The following DIABLO variants were observed in gnomAD, a reference collection of about 807,000 sequenced individuals.
DIABLO encodes diablo homolog, mitochondrial.
Under a neutral mutation model 31.7 loss-of-function variants are expected in DIABLO, and 32 were observed. The observed-to-expected ratio is 1.01, with a 90% confidence interval of 0.76 to 1.35. The LOEUF (loss-of-function observed/expected upper bound fraction) is 1.35. Among genes scored for constraint, DIABLO ranks in the 40% most tolerant of loss-of-function variants. DIABLO has a pLI of 0.00. For synonymous variants in DIABLO, 132 were observed against 103.2 expected (o/e 1.28, Z -1.69); for missense variants, 316 against 286.4 (o/e 1.10, Z -0.75).
intron 5 of DIABLO, among the ~76,000 whole-genome samples, chr12:122,211,951 G>C (rs756890111): frequency 4.0e-5 from 6 of 148,760 alleles, no homozygotes; most frequent in Non-Finnish European, 8.9e-5. Context: ...CATTTAATAA[G>C]TTTATTTTTA....
chr12:122,209,764 T>C, intron 5 of DIABLO: 1 of 703,414 alleles, frequency 1.4e-6, no homozygotes, highest in Non-Finnish European at 2.6e-6. Flanking sequence ...TAGAACATTT[T>C]GATCTTACTG....
At position 122,218,233 on chromosome 12, in the gene DIABLO, G is replaced by A. The variant is rs1442115487; in HGVS notation, c.315+33C>T. 4 of 1,613,296 alleles carry A rather than the reference G, an allele frequency of 2.5e-6. No individual in the cohort carries two copies. In the South Asian group the frequency reaches 4.4e-5, roughly 18 times the overall value. ...GTGAGCCATTATTTGCTAAACCATG[G>A]TTTAGAAGATCAAGAGTTAAGAGGA... On this transcript the variant is annotated intron_variant, in intron 3 of 5. Coordinates refer to ENST00000464942, the MANE Select transcript of DIABLO (RefSeq NM_001371333.1).
Position 122,208,593 on chromosome 12 carries a change from A to G in DIABLO, c.524-16T>C. On this transcript the variant is annotated splice_polypyrimidine_tract_variant and intron_variant, in intron 5 of 5. Transcript: ENST00000464942. ...TGATCTGCGCCTGCCAAAAGATGGG[A>G]CAATCGGGTTGAGCAGCCGTGCAGG... is the stretch of plus-strand genomic sequence containing the variant. The G allele has an allele frequency of 6.2e-7, 1 of 1,610,374 alleles. No homozygotes were observed.
intron 3 of DIABLO, 32 bp from the exon 4 acceptor site, chr12:122,216,901 A>G (rs769860179): frequency 4.5e-6 from 7 of 1,551,468 alleles, no homozygotes; most frequent in East Asian, 2.2e-5. Context: ...GTCTGAGTAA[A>G]GTAAGTGAGA....
intron 5 of DIABLO, chr12:122,209,832 CCTCTT>C (rs1566021099): frequency 4.3e-6 from 3 of 703,024 alleles, no homozygotes; most frequent in Admixed American, 2.0e-5. Context: ...CAGGCATCCT[CCTCTT>C]CTAACTTCGA....
Position 122,225,983 on chromosome 12 carries a change from C to A in DIABLO, c.32G>T (p.Ser11Ile), listed in dbSNP as rs755377544. 1.2e-6 allele frequency: 2 copies of A among 1,601,622 alleles called. No homozygotes were observed. The highest frequency in any genetic ancestry group is 1.7e-6 in the Non-Finnish European group (2 of 1,174,870). ...GCGGTACCTGAAGAATGAAGTTACG[C>A]TGCGCGACAGCCAACTCTTCAGAGC... MAALKSWLSR[S>I]VTSFFRYRQC... Residue 11 changes from serine (S) to isoleucine (I), a missense_variant, in exon 1 of 6, where the codon AGC becomes ATC. Coordinates refer to ENST00000464942, the MANE Select transcript of DIABLO (RefSeq NM_001371333.1).
At chr12:122,216,146 G>A (rs1954207326) in intron 5 of DIABLO, among the ~76,000 whole-genome samples, 1 of 152,132 alleles carries the variant, frequency 6.6e-6, no homozygotes, top group Non-Finnish European at 1.5e-5. Context: ...TCAAGTCTCA[G>A]CCAACGGTGT....
At chr12:122,225,727 C>A in intron 1 of DIABLO, 2 of 1,426,224 alleles carry the variant, frequency 1.4e-6, no homozygotes, top group Non-Finnish European at 1.8e-6. Flanking sequence ...GAAGGCAGCC[C>A]GGGGTCTCGG....
rs759696825 is a variant in DIABLO at position 122,219,865 on chromosome 12, CAAAA to C, written c.184-1472_184-1469del. ...GGGCGACAGAGCAAGACTCTTTCGC[CAAAA>C]AAAAAAAAAGTGGATGGGGGAGGGC... is the stretch of plus-strand genomic sequence containing the variant. On this transcript the variant is annotated intron_variant, in intron 2 of 5. Coordinates refer to ENST00000464942, the MANE Select transcript of DIABLO (RefSeq NM_001371333.1). 2.5e-5 allele frequency among the ~76,000 whole-genome samples: 3 copies of C among 120,524 alleles called. 1 individual carries two copies. Among genetic ancestry groups the C allele is most frequent in the African/African-American group, 6.2e-5 (2 of 32,298 alleles). 79.1% of individuals were successfully genotyped at this position (120,524 alleles called of 152,430 possible).
rs1388492942 is a variant in DIABLO, at chr12:122,208,356, G to T, written c.*25C>A. The T allele has an allele frequency of 1.2e-6, 2 of 1,610,378 alleles. No homozygotes were observed. Among genetic ancestry groups the T allele is most frequent in the African/African-American group, 1.3e-5 (1 of 74,994 alleles). On this transcript the variant is annotated 3_prime_UTR_variant, in exon 6 of 6. Transcript: ENST00000464942. ...GCCCCTGCTTTCCCCACTGAGTGGG[G>T]AGACAGGGCAGTGTGCTCAGGCCCT...
intron 2 of DIABLO, among the ~76,000 whole-genome samples, chr12:122,219,652 C>A (rs1484184595): frequency 1.3e-5 from 2 of 151,282 alleles, no homozygotes; most frequent in Non-Finnish European, 2.9e-5. Context: ...GTCAAGAGAT[C>A]GAGACCAGCC....
chr12:122,218,144 T>C, intron 3 of DIABLO, 122 bp downstream of exon 3: 2 of 1,233,580 alleles, frequency 1.6e-6, no homozygotes, highest in Non-Finnish European at 2.3e-6. Flanking sequence ...TGACAACACA[T>C]AAACAAATAG....
chr12:122,227,250 C>T, upstream of DIABLO: 1 of 395,554 alleles, frequency 2.5e-6, no homozygotes, highest in Non-Finnish European at 5.2e-6. Flanking sequence ...GAACCCCACA[C>T]CAGCTCATCA....
chr12:122,214,334 C>CCACA lies in DIABLO; in HGVS notation c.523+2150_523+2153dup, dbSNP rs564048314. Among the ~76,000 whole-genome samples the CCACA allele has an allele frequency of 6.2e-4, 95 of 152,230 alleles. 1 individual carries two copies. The East Asian group carries it at 0.018, about 29-fold the overall frequency. On this transcript the variant is annotated intron_variant, in intron 5 of 5. Coordinates refer to ENST00000464942, the MANE Select transcript of DIABLO (RefSeq NM_001371333.1). ...TAGCTGGGATTGCAGGTGTGAGCCA[C>CCACA]CACACCCAGCCCTTTGTATCATTTT...
In DIABLO at chr12:122,213,507, G is replaced by GAAA. The variant is rs368276624; in HGVS notation, c.523+2978_523+2980dup. ...TAACAGAGTAAGACCTTGTCTCAGG[G>GAAA]AAAAAAAAAAAAAAAATTCCGTTTA... is the stretch of plus-strand genomic sequence containing the variant. On this transcript the variant is annotated intron_variant, in intron 5 of 5. Coordinates refer to ENST00000464942, the MANE Select transcript of DIABLO (RefSeq NM_001371333.1). Among the ~76,000 whole-genome samples the GAAA allele has an allele frequency of 8.3e-3, 1,127 of 136,562 alleles. 26 individuals carry two copies. Among genetic ancestry groups the GAAA allele is most frequent in the African/African-American group, 0.029 (1,041 of 36,134 alleles). The allele number at this position is 136,562 out of a possible 152,430, so 89.6% of individuals were successfully genotyped here. A position where few individuals can be genotyped will look rare whatever the true frequency, so the allele number is the denominator to read the frequency against.
chr12:122,217,913 T>C (rs904085702), intron 3 of DIABLO: 65 of 297,912 alleles, frequency 2.2e-4, no homozygotes, highest in Non-Finnish European at 3.5e-4. Context: ...CCCTGTGCCC[T>C]TAACTGAACC....
chr12:122,211,070 T>G (rs1313268795), intron 5 of DIABLO, among the ~76,000 whole-genome samples: 2 of 57,704 alleles, frequency 3.5e-5, no homozygotes, highest in Non-Finnish European at 7.1e-5. Flanking sequence ...CTTTGTTTAG[T>G]TAAAAGTAAA....
intron 2 of DIABLO, chr12:122,222,414 A>C (rs1954352343): frequency 6.6e-6 from 1 of 152,080 alleles, no homozygotes; most frequent in Non-Finnish European, 1.5e-5. Context: ...CATCCTGGCT[A>C]ACACGGTGAA....
intron 2 of DIABLO, chr12:122,221,256 A>T (rs1954329980): frequency 6.6e-6 from 1 of 152,228 alleles, no homozygotes; most frequent in Admixed American, 6.5e-5. Flanking sequence ...CAGAATGGCC[A>T]CGCATCCTGG....
Sources: gnomAD v4.1 joint callset for allele counts (sites outside exome capture counted in the v4.1 genomes callset) on GRCh38, gnomAD v4.1.1 for gene constraint, MANE v1.5 for transcripts, NCBI Gene and HGNC (gene_info 2026-07-23, HGNC 2026-07-21) for gene names.